Variants in NBEA observed in about 807,000 individuals in gnomAD.
NBEA encodes the protein neurobeachin.
A neutral mutation model predicts 343.4 loss-of-function variants in NBEA; 44 were observed. The ratio of observed to expected loss-of-function variants is 0.13; its 90% CI spans 0.10 to 0.16. The LOEUF (loss-of-function observed/expected upper bound fraction) is 0.16, where lower values mean the gene tolerates loss of function less well. NBEA is among the 10% of genes least tolerant of loss of function. NBEA has a pLI of 1.00. For missense variants in NBEA, 2,555 were observed against 3,631.3 expected, an observed-to-expected ratio of 0.70 and a Z score of 7.62; for synonymous variants, 1,175 against 1,238.7, an observed-to-expected ratio of 0.95 and a Z score of 1.08.
At chr13:35,568,276 A>G (rs565116494) in intron 45 of NBEA, among the ~76,000 whole-genome samples, 4 of 152,270 alleles carry the variant, frequency 2.6e-5, no homozygotes, top group African/African-American at 9.6e-5. Context: ...GCTCATGGAT[A>G]ATTTTAGCTG....
In NBEA at chr13:35,406,323, A is replaced by G. The variant is rs536586246; in HGVS notation, c.6180-25946A>G. Reference sequence around the variant, plus strand: ...TTTTTTTTTTTTTTCATTTATTTCAATAGGTTTTGGGGGGAAAAGATGGTG... The same window carrying G: ...TTTTTTTTTTTTTTCATTTATTTCAGTAGGTTTTGGGGGGAAAAGATGGTG... On this transcript the variant is annotated intron_variant, in intron 38 of 58. Transcript: ENST00000379939. Among the ~76,000 whole-genome samples the G allele has an allele frequency of 1.2e-4, 18 of 145,168 alleles. No individual in the cohort carries two copies. The South Asian group carries it at 2.8e-3, about 23-fold the overall frequency.
intron 40 of NBEA, among the ~76,000 whole-genome samples, chr13:35,452,843 T>C (rs962759909): frequency 2.0e-5 from 3 of 152,162 alleles, no homozygotes; most frequent in Non-Finnish European, 4.4e-5. Context: ...CTTTTTTGGG[T>C]TTTAAGCCAC....
At chr13:35,519,219 A>G (rs1205369797) in intron 41 of NBEA, among the ~76,000 whole-genome samples, 8 of 152,260 alleles carry the variant, frequency 5.3e-5, no homozygotes, top group Non-Finnish European at 1.0e-4. Flanking sequence ...GTTTTGGGGA[A>G]AAGTAAAAAT....
At chr13:35,358,273 C>T (rs975493095) in intron 38 of NBEA, among the ~76,000 whole-genome samples, 3 of 151,788 alleles carry the variant, frequency 2.0e-5, no homozygotes, top group Non-Finnish European at 4.4e-5. Context: ...ATCTGCCCGC[C>T]TCAACCTCCC....
intron 41 of NBEA, among the ~76,000 whole-genome samples, chr13:35,527,598 C>T (rs1425521034): frequency 6.6e-6 from 1 of 152,240 alleles, no homozygotes; most frequent in Admixed American, 6.5e-5. Context: ...CAAGTACACA[C>T]ACACACCCGG....
chr13:35,110,161 G>A (rs572011347), intron 12 of NBEA, among the ~76,000 whole-genome samples: 3 of 148,724 alleles, frequency 2.0e-5, no homozygotes, highest in South Asian at 2.1e-4. Flanking sequence ...ACCCACTAAC[G>A]TGTCATCTAG....
chr13:35,173,427 A>G, intron 26 of NBEA, 37 bp from the exon 27 acceptor site: 1 of 1,503,468 alleles, frequency 6.7e-7, no homozygotes, highest in Non-Finnish European at 9.0e-7. Flanking sequence ...AAAGTCAACA[A>G]TTTATATTAA....
At chr13:35,384,076 A>C (rs1194670351) in intron 38 of NBEA, among the ~76,000 whole-genome samples, 1 of 152,148 alleles carries the variant, frequency 6.6e-6, no homozygotes, top group Non-Finnish European at 1.5e-5. Context: ...AAGAGATTCT[A>C]ATACCAAGGC....
At position 35,599,001 on chromosome 13, in the gene NBEA, T is replaced by C. The variant is rs1054626782; in HGVS notation, c.7296+5554T>C. 5.3e-5 allele frequency among the ~76,000 whole-genome samples: 8 copies of C among 152,204 alleles called. No individual in the cohort carries two copies. In the East Asian group the frequency reaches 1.5e-3, roughly 29 times the overall value. ...AGCTTACACCATTAGATGAAACCAT[T>C]GGTCACTTTCAGCATTCTGCCTGGA... On this transcript the variant is annotated intron_variant, in intron 47 of 58. Coordinates refer to ENST00000379939, the MANE Select transcript of NBEA (RefSeq NM_001385012.1).
At chr13:35,170,049 C>A (rs1263623857) in intron 25 of NBEA, among the ~76,000 whole-genome samples, 1 of 151,764 alleles carries the variant, frequency 6.6e-6, no homozygotes, top group Non-Finnish European at 1.5e-5. Flanking sequence ...ACATTTTATA[C>A]ATCATTTAAA....
At chr13:35,435,714 A>G (rs1401288780) in intron 39 of NBEA, among the ~76,000 whole-genome samples, 1 of 152,226 alleles carries the variant, frequency 6.6e-6, no homozygotes, top group Non-Finnish European at 1.5e-5. Flanking sequence ...GCAATTTAAA[A>G]AAGTATAGAA....
intron 52 of NBEA, among the ~76,000 whole-genome samples, chr13:35,651,461 G>C (rs2084519838): frequency 6.6e-6 from 1 of 151,958 alleles, no homozygotes; most frequent in African/African-American, 2.4e-5. Flanking sequence ...TCCCTGCTTG[G>C]AAGCATAGCC....
At chr13:35,549,452 G>A (rs1455919209) in intron 41 of NBEA, among the ~76,000 whole-genome samples, 2 of 152,122 alleles carry the variant, frequency 1.3e-5, no homozygotes, top group Non-Finnish European at 1.5e-5. Flanking sequence ...GTTAATACAC[G>A]TTGGTGTATC....
chr13:35,206,417 G>T (rs2073399148), intron 31 of NBEA, among the ~76,000 whole-genome samples: 1 of 152,018 alleles, frequency 6.6e-6, no homozygotes, highest in Admixed American at 6.6e-5. Flanking sequence ...GAGAGATGCA[G>T]AAAAAAGAGC....
intron 36 of NBEA, among the ~76,000 whole-genome samples, chr13:35,338,859 C>T (rs951993756): frequency 1.3e-5 from 2 of 151,938 alleles, no homozygotes; most frequent in Non-Finnish European, 2.9e-5. Context: ...AATCAATCAA[C>T]GTAATACACC....
At chr13:35,057,331 C>A (rs9543171) in intron 7 of NBEA, among the ~76,000 whole-genome samples, 57,672 of 151,896 alleles carry the variant, frequency 0.38, 11,592 homozygotes, top group East Asian at 0.49. Context: ...TAGATTGGGG[C>A]TGGGCAGACT....
In NBEA at chr13:35,408,793, A is replaced by G. The variant is rs568138979; in HGVS notation, c.6180-23476A>G. Among the ~76,000 whole-genome samples, 6 of 152,328 alleles carry G rather than the reference A, an allele frequency of 3.9e-5. No homozygotes were observed. The East Asian group carries it at 7.7e-4, about 20-fold the overall frequency. ...AGGAGAAATGCAAATCAATACCACA[A>G]TGAGACACCATCTCACACCCGTCAG... On this transcript the variant is annotated intron_variant, in intron 38 of 58. Coordinates refer to ENST00000379939, the MANE Select transcript of NBEA (RefSeq NM_001385012.1).
At chr13:35,438,951 A>T (rs1218391270) in intron 39 of NBEA, among the ~76,000 whole-genome samples, 1 of 152,252 alleles carries the variant, frequency 6.6e-6, no homozygotes, top group Non-Finnish European at 1.5e-5. Flanking sequence ...TGTAGATTTT[A>T]AACAGACTCA....
At chr13:35,384,456 A>T (rs1397464260) in intron 38 of NBEA, among the ~76,000 whole-genome samples, 2 of 151,826 alleles carry the variant, frequency 1.3e-5, no homozygotes, top group East Asian at 3.9e-4. Flanking sequence ...AAGCTGTCTT[A>T]CTTAGGCTTT....
Sources: allele counts gnomAD v4.1 joint callset (sites outside exome capture counted in the v4.1 genomes callset), GRCh38; gene constraint gnomAD v4.1.1; transcripts MANE v1.5; gene names NCBI Gene and HGNC (gene_info 2026-07-23, HGNC 2026-07-21).